OPCML: variants seen among roughly 807,000 people sequenced by gnomAD.
The protein encoded by OPCML is opioid binding protein/cell adhesion molecule like.
A neutral mutation model predicts 37.8 loss-of-function variants in OPCML; 13 were observed. The observed-to-expected ratio is 0.34, with a 90% CI of 0.22 to 0.55. The LOEUF is 0.55. Ranked by LOEUF, OPCML falls within the 20% of genes least tolerant of loss-of-function variation. The pLI is 0.91. For missense variants in OPCML, 341 were observed against 435.6 expected, an observed-to-expected ratio of 0.78 and a Z score of 1.93; for synonymous variants, 176 against 168.8, an observed-to-expected ratio of 1.04 and a Z score of -0.33.
intron 1 of OPCML, among the ~76,000 whole-genome samples, chr11:133,367,430 A>C (rs572171628): frequency 2.6e-5 from 4 of 152,316 alleles, no homozygotes; most frequent in African/African-American, 9.6e-5. Flanking sequence ...GTGTAAATGG[A>C]ATGGAAAAAT....
intron 4 of OPCML, among the ~76,000 whole-genome samples, chr11:132,441,587 C>T (rs1028392437): frequency 1.3e-5 from 2 of 152,272 alleles, no homozygotes; most frequent in South Asian, 2.1e-4. Flanking sequence ...GACAATAACC[C>T]AGAGGCATTA....
At chr11:133,498,789 G>C (rs1354774648) in intron 1 of OPCML, among the ~76,000 whole-genome samples, 1 of 152,174 alleles carries the variant, frequency 6.6e-6, no homozygotes, top group African/African-American at 2.4e-5. Context: ...CATGAGAAAT[G>C]AATCTTATAA....
At chr11:132,829,206 A>G (rs1940541154) in intron 2 of OPCML, among the ~76,000 whole-genome samples, 1 of 152,180 alleles carries the variant, frequency 6.6e-6, no homozygotes, top group African/African-American at 2.4e-5. Flanking sequence ...GGAGGGACCA[A>G]ATTAACCCCA....
intron 3 of OPCML, among the ~76,000 whole-genome samples, chr11:132,581,958 AAC>A (rs1359747034): frequency 1.3e-5 from 2 of 152,134 alleles, no homozygotes; most frequent in East Asian, 3.9e-4. Flanking sequence ...TAGAGTTGTA[AAC>A]AGTCAACCCA....
chr11:132,821,656 A>G (rs1939992616), intron 2 of OPCML, among the ~76,000 whole-genome samples: 1 of 152,238 alleles, frequency 6.6e-6, no homozygotes, highest in South Asian at 2.1e-4. Flanking sequence ...TTACATCATT[A>G]TGGTAATTAA....
intron 3 of OPCML, among the ~76,000 whole-genome samples, chr11:132,575,024 G>C (rs572543701): frequency 6.6e-6 from 1 of 151,832 alleles, no homozygotes; most frequent in Non-Finnish European, 1.5e-5. Context: ...GGTCTCTTTT[G>C]GCAGTTTTTA....
At chr11:132,575,455 A>T (rs2096448172) in intron 3 of OPCML, among the ~76,000 whole-genome samples, 1 of 152,034 alleles carries the variant, frequency 6.6e-6, no homozygotes, top group Non-Finnish European at 1.5e-5. Context: ...AGCTTACACA[A>T]GACATAGACA....
At chr11:132,504,454 T>C (rs1038700758) in intron 4 of OPCML, among the ~76,000 whole-genome samples, 1 of 151,968 alleles carries the variant, frequency 6.6e-6, no homozygotes, top group Admixed American at 6.5e-5. Context: ...GGGTCAGGAA[T>C]TCAGAGCTGT....
chr11:133,140,459 G>A (rs1949754617), intron 1 of OPCML, among the ~76,000 whole-genome samples: 1 of 147,388 alleles, frequency 6.8e-6, no homozygotes, highest in African/African-American at 2.5e-5. Context: ...AGGTTGCAGT[G>A]AGCCGAGATT....
chr11:132,457,221 G>T (rs1055895427), intron 4 of OPCML, among the ~76,000 whole-genome samples: 4 of 152,178 alleles, frequency 2.6e-5, no homozygotes, highest in Admixed American at 6.5e-5. Flanking sequence ...AACACAAGAG[G>T]CTCCATGAGG....
intron 4 of OPCML, among the ~76,000 whole-genome samples, chr11:132,514,970 T>C (rs1565628533): frequency 1.3e-5 from 2 of 152,238 alleles, no homozygotes; most frequent in South Asian, 2.1e-4. Context: ...GCTCCAGTTG[T>C]GCAGGGACAA....
chr11:132,422,037 A>T (rs1565548448), intron 7 of OPCML, among the ~76,000 whole-genome samples: 1 of 152,168 alleles, frequency 6.6e-6, no homozygotes, highest in Non-Finnish European at 1.5e-5. Context: ...CTTTAAAATT[A>T]TCTTTTTGTA....
At chr11:132,752,346 G>A (rs566376673) in intron 2 of OPCML, among the ~76,000 whole-genome samples, 47 of 152,070 alleles carry the variant, frequency 3.1e-4, no homozygotes, top group African/African-American at 1.1e-3. Flanking sequence ...CACCCAAACA[G>A]CACATCTTTG....
intron 1 of OPCML, among the ~76,000 whole-genome samples, chr11:133,140,531 T>TAAGAAGAAG (rs1168417109): frequency 0.019 from 1,700 of 88,062 alleles, 29 homozygotes; most frequent in Admixed American, 0.024. Flanking sequence ...ATAATAATAA[T>TAAGAAGAAG]AAGAAGAAGA....
At chr11:132,886,911 T>G (rs774789505) in intron 2 of OPCML, among the ~76,000 whole-genome samples, 1 of 152,166 alleles carries the variant, frequency 6.6e-6, no homozygotes, top group Non-Finnish European at 1.5e-5. Context: ...AGAATGCCAG[T>G]GGCTCACTAC....
intron 1 of OPCML, among the ~76,000 whole-genome samples, chr11:133,309,772 G>A (rs1167580467): frequency 1.3e-5 from 2 of 152,188 alleles, no homozygotes; most frequent in African/African-American, 4.8e-5. Flanking sequence ...CAGTGGAACT[G>A]GAGATGGATA....
At chr11:133,514,335 G>A (rs558497630) in intron 1 of OPCML, among the ~76,000 whole-genome samples, 16 of 152,330 alleles carry the variant, frequency 1.1e-4, no homozygotes, top group Admixed American at 1.0e-3. Context: ...CCTCTGGAAT[G>A]TGGGCTTGAT....
rs7125708 is a variant in OPCML at position 133,341,536 on chromosome 11, G to T, written c.61+190728C>A. Among the ~76,000 whole-genome samples the T allele has an allele frequency of 5.8e-3, 890 of 152,312 alleles. 13 individuals carry two copies. The highest frequency in any genetic ancestry group is 0.02 in the African/African-American group (839 of 41,558). ...TGCTCAGCTGAATACCCTACAGGAA[G>T]ATTTGCCTGGGTGCATGCTTGTAGG... On this transcript the variant is annotated intron_variant, in intron 1 of 7. Transcript: ENST00000524381.
chr11:133,219,799 G>C (rs938205684), intron 1 of OPCML, among the ~76,000 whole-genome samples: 1 of 131,698 alleles, frequency 7.6e-6, no homozygotes, highest in African/African-American at 3.2e-5. Context: ...ATCACAGTTT[G>C]GGGAGGGGGG....
Sources: allele counts gnomAD v4.1 joint callset (sites outside exome capture counted in the v4.1 genomes callset), GRCh38; gene constraint gnomAD v4.1.1; transcripts MANE v1.5; gene names NCBI Gene and HGNC (gene_info 2026-07-23, HGNC 2026-07-21).